Variants in PAK5 observed in about 807,000 individuals in gnomAD.
The protein encoded by PAK5 is p21 (RAC1) activated kinase 5.
PAK5 carries 16 observed loss-of-function variants against 65.9 expected under a neutral mutation model. The ratio of observed to expected loss-of-function variants is 0.24; its 90% confidence interval spans 0.16 to 0.37. The LOEUF (loss-of-function observed/expected upper bound fraction) is 0.37. Ranked by LOEUF, PAK5 falls within the 10% of genes least tolerant of loss-of-function variation. The probability of loss-of-function intolerance (pLI) is 1.00; values close to 1 mark genes in which losing one functional copy is unlikely to be tolerated. For synonymous variants in PAK5, 371 were observed against 354.9 expected, an observed-to-expected ratio of 1.05 and a Z score of -0.51; for missense variants, 785 against 903.9, an observed-to-expected ratio of 0.87 and a Z score of 1.69.
chr20:9,793,438 A>G (rs2049071298), intron 1 of PAK5, among the ~76,000 whole-genome samples: 1 of 152,174 alleles, frequency 6.6e-6, no homozygotes, highest in Non-Finnish European at 1.5e-5. Context: ...GCTGACTCAG[A>G]GTGTTCTAGA....
intron 1 of PAK5, among the ~76,000 whole-genome samples, chr20:9,757,467 T>A (rs1186952220): frequency 6.6e-6 from 1 of 152,200 alleles, no homozygotes; most frequent in South Asian, 2.1e-4. Context: ...TCTAGATATT[T>A]CATTGGTTTC....
intron 1 of PAK5, among the ~76,000 whole-genome samples, chr20:9,771,678 C>T (rs1465785929): frequency 1.4e-5 from 2 of 146,940 alleles, no homozygotes; most frequent in African/African-American, 2.5e-5. Context: ...GTATCAGCCT[C>T]TCAAAGTGCT....
chr20:9,672,086 A>T (rs1415730811), intron 2 of PAK5, among the ~76,000 whole-genome samples: 2 of 152,040 alleles, frequency 1.3e-5, no homozygotes, highest in Non-Finnish European at 2.9e-5. Flanking sequence ...GACAAAAAAA[A>T]CTAGATTTTC....
At chr20:9,649,864 G>T (rs1171850759) in intron 2 of PAK5, among the ~76,000 whole-genome samples, 1 of 152,070 alleles carries the variant, frequency 6.6e-6, no homozygotes, top group Non-Finnish European at 1.5e-5. Flanking sequence ...ATATTGTAAG[G>T]ACTATTATTA....
chr20:9,758,402 TC>T (rs2048660142), intron 1 of PAK5, among the ~76,000 whole-genome samples: 1 of 152,096 alleles, frequency 6.6e-6, no homozygotes. Context: ...CCAACAGATC[TC>T]CCCACATGCC....
intron 1 of PAK5, among the ~76,000 whole-genome samples, chr20:9,776,640 G>T (rs1257383035): frequency 6.6e-6 from 1 of 152,134 alleles, no homozygotes; most frequent in African/African-American, 2.4e-5. Context: ...CAGCCATGTT[G>T]TAAGTACACT....
chr20:9,803,391 C>T (rs984923125), intron 1 of PAK5, among the ~76,000 whole-genome samples: 5 of 152,078 alleles, frequency 3.3e-5, no homozygotes, highest in East Asian at 3.9e-4. Flanking sequence ...CTATAAAGGG[C>T]AATCCTCTAC....
chr20:9,700,969 A>G (rs1286872973), intron 2 of PAK5, among the ~76,000 whole-genome samples: 1 of 152,140 alleles, frequency 6.6e-6, no homozygotes, highest in Admixed American at 6.6e-5. Flanking sequence ...TCCTTTAAAA[A>G]ACTGGAATAT....
intron 1 of PAK5, among the ~76,000 whole-genome samples, chr20:9,805,405 C>T (rs982653658): frequency 6.6e-6 from 1 of 151,992 alleles, no homozygotes; most frequent in Non-Finnish European, 1.5e-5. Flanking sequence ...TACGTTCACA[C>T]AAAAACTTAT....
In PAK5 at chr20:9,644,230, G is replaced by A. The variant is rs150549417; in HGVS notation, c.99C>T (p.Thr33=). Residue 33 remains threonine (T), a synonymous_variant, in exon 3 of 10, where the codon ACC becomes ACT. Coordinates refer to ENST00000353224, the MANE Select transcript of PAK5 (RefSeq NM_177990.4). Reference sequence around the variant, plus strand: ...GGCTGTGCCACTGCTGGGGAAGGCCGGTAAACTTCTGCTCTTGTGGATCAA... The same window carrying A: ...GGCTGTGCCACTGCTGGGGAAGGCCAGTAAACTTCTGCTCTTGTGGATCAA... ...TGFDPQEQKF[T]GLPQQWHSLL... 1.3e-4 allele frequency: 209 copies of A among 1,607,562 alleles called. No homozygotes were observed. The highest frequency in any genetic ancestry group is 2.1e-4 in the African/African-American group (16 of 74,578).
chr20:9,541,433 G>A (rs958674075), intron 9 of PAK5, among the ~76,000 whole-genome samples: 2 of 152,176 alleles, frequency 1.3e-5, no homozygotes, highest in Admixed American at 6.5e-5. Flanking sequence ...TCTCTTACAT[G>A]CATTATATTA....
At chr20:9,725,355 T>A (rs2048264078) in intron 1 of PAK5, among the ~76,000 whole-genome samples, 1 of 152,172 alleles carries the variant, frequency 6.6e-6, no homozygotes, top group African/African-American at 2.4e-5. Context: ...GAAATTAAAC[T>A]TTTCTGCTTT....
chr20:9,753,725 C>T (rs1438916237), intron 1 of PAK5, among the ~76,000 whole-genome samples: 1 of 152,064 alleles, frequency 6.6e-6, no homozygotes, highest in African/African-American at 2.4e-5. Context: ...TTGCCAAAGC[C>T]TACTGAAAAC....
chr20:9,577,717 A>T (rs372162464), intron 4 of PAK5: 1 of 152,264 alleles, frequency 6.6e-6, no homozygotes, highest in Non-Finnish European at 1.5e-5. Flanking sequence ...ATCCTCCCAC[A>T]AAACAAAAAC....
chr20:9,701,168 C>G (rs766194124), intron 2 of PAK5, among the ~76,000 whole-genome samples: 1 of 152,168 alleles, frequency 6.6e-6, no homozygotes, highest in Non-Finnish European at 1.5e-5. Flanking sequence ...ATTCACATTT[C>G]TCTCTATATA....
At chr20:9,697,523 T>C (rs1367860383) in intron 2 of PAK5, among the ~76,000 whole-genome samples, 1 of 152,114 alleles carries the variant, frequency 6.6e-6, no homozygotes, top group African/African-American at 2.4e-5. Context: ...TCTGAATCTT[T>C]ATGGTTGTGT....
chr20:9,775,576 G>C (rs1054694031), intron 1 of PAK5, among the ~76,000 whole-genome samples: 18 of 152,048 alleles, frequency 1.2e-4, no homozygotes, highest in African/African-American at 4.1e-4. Context: ...TACACAGTAG[G>C]TATGTTCTAC....
intron 2 of PAK5, among the ~76,000 whole-genome samples, chr20:9,666,247 T>C (rs896643066): frequency 1.3e-5 from 2 of 152,008 alleles, no homozygotes; most frequent in Non-Finnish European, 2.9e-5. Flanking sequence ...TAATTGAAAT[T>C]AGCCATTTAC....
At chr20:9,616,252 CACA>C (rs2046653484) in intron 3 of PAK5, among the ~76,000 whole-genome samples, 1 of 152,124 alleles carries the variant, frequency 6.6e-6, no homozygotes, top group African/African-American at 2.4e-5. Flanking sequence ...CATGTTAGCC[CACA>C]ACAACTTCCT....
Sources: allele counts gnomAD v4.1 joint callset (sites outside exome capture counted in the v4.1 genomes callset), GRCh38; gene constraint gnomAD v4.1.1; transcripts MANE v1.5; gene names NCBI Gene and HGNC (gene_info 2026-07-23, HGNC 2026-07-21).